The following LMLN variants were observed in gnomAD, a reference collection of about 807,000 sequenced individuals.
The protein encoded by LMLN is leishmanolysin-like peptidase.
LMLN carries 70 observed loss-of-function variants against 92.3 expected under a neutral mutation model. That is an observed-to-expected ratio of 0.76 (90% confidence interval 0.63 to 0.92). The LOEUF (loss-of-function observed/expected upper bound fraction) is 0.92. LMLN is among the 40% of genes least tolerant of loss of function. The pLI is 0.00. For missense variants in LMLN, 691 were observed against 814.6 expected, an observed-to-expected ratio of 0.85 and a Z score of 1.85; for synonymous variants, 308 against 296.2, an observed-to-expected ratio of 1.04 and a Z score of -0.41.
intron 14 of LMLN, among the ~76,000 whole-genome samples, chr3:198,035,359 TG>T (rs1723183810): frequency 2.3e-5 from 3 of 129,404 alleles, no homozygotes; most frequent in African/African-American, 7.3e-5. Flanking sequence ...AACCCTCTTT[TG>T]GTTTTTTTTT....
intron 10 of LMLN, 42 bp from the exon 11 acceptor site, chr3:197,999,224 G>A (rs1388924270): frequency 3.7e-6 from 5 of 1,364,364 alleles, no homozygotes; most frequent in Non-Finnish European, 5.2e-6. Context: ...ATTAGGAGTT[G>A]CAGAGAATCT....
intron 14 of LMLN, among the ~76,000 whole-genome samples, chr3:198,029,329 T>C (rs1386377413): frequency 2.0e-5 from 3 of 152,240 alleles, no homozygotes; most frequent in Non-Finnish European, 4.4e-5. Flanking sequence ...TTAGTTTTGA[T>C]CAAACTTTTA....
At chr3:198,022,683 T>C (rs1040025428) in intron 13 of LMLN, among the ~76,000 whole-genome samples, 3 of 152,198 alleles carry the variant, frequency 2.0e-5, no homozygotes, top group African/African-American at 7.2e-5. Flanking sequence ...GGTGAAACCC[T>C]GTCTGTATCA....
At chr3:198,026,074 C>T (rs779948678) in intron 14 of LMLN, among the ~76,000 whole-genome samples, 3 of 151,992 alleles carry the variant, frequency 2.0e-5, no homozygotes. Context: ...CCCACCTCAG[C>T]CATCTGAGAA....
At chr3:198,018,188 G>A (rs1028904877) in intron 11 of LMLN, among the ~76,000 whole-genome samples, 2 of 151,980 alleles carry the variant, frequency 1.3e-5, no homozygotes, top group Non-Finnish European at 2.9e-5. Context: ...TTTGGTTTTA[G>A]ACAAAAAACA....
At chr3:198,013,733 T>C (rs373800236) in intron 11 of LMLN, among the ~76,000 whole-genome samples, 1,527 of 11,180 alleles carry the variant, frequency 0.14, no homozygotes, top group Admixed American at 0.2. Context: ...CCCTTCAGAG[T>C]CCCCTAACTA....
At chr3:198,024,033 A>G (rs549704525) in intron 13 of LMLN, among the ~76,000 whole-genome samples, 331 of 152,298 alleles carry the variant, frequency 2.2e-3, no homozygotes, top group African/African-American at 7.5e-3. Flanking sequence ...TTAGACCACC[A>G]GTGAAGATGA....
At position 197,985,390 on chromosome 3, in the gene LMLN, TACACACACACACACACAC is replaced by T. The variant is rs142039210; in HGVS notation, c.835-386_835-369del. Among the ~76,000 whole-genome samples the T allele has an allele frequency of 9.8e-5, 14 of 142,480 alleles. No individual in the cohort carries two copies. The South Asian group carries it at 2.6e-3, about 26-fold the overall frequency. The allele number at this position is 142,480 out of a possible 152,430, so 93.5% of individuals were successfully genotyped here. On this transcript the variant is annotated intron_variant, in intron 7 of 15. Transcript: ENST00000330198. ...AGACTTTCAAAACCATTTCATAATGTACACACACACACACACACACACACACACACACACACAGAGCAA... is the reference window on the plus strand; with the variant it reads ...AGACTTTCAAAACCATTTCATAATGTACACACACACACACACACAGAGCAA...
chr3:197,972,220 C>T (rs148383642), intron 1 of LMLN, among the ~76,000 whole-genome samples: 21 of 151,822 alleles, frequency 1.4e-4, no homozygotes, highest in African/African-American at 4.6e-4. Context: ...TGCACCACCA[C>T]GCCTGGCTAA....
intron 11 of LMLN, among the ~76,000 whole-genome samples, chr3:198,014,970 G>A (rs201156338): frequency 0.097 from 11,613 of 119,874 alleles, 2 homozygotes; most frequent in East Asian, 0.24. Flanking sequence ...TAACTAGTCT[G>A]ACTTCTCTCC....
At chr3:197,999,052 T>C (rs979462813) in intron 10 of LMLN, among the ~76,000 whole-genome samples, 9 of 152,364 alleles carry the variant, frequency 5.9e-5, no homozygotes, top group African/African-American at 2.2e-4. Context: ...CCAAGGGAAT[T>C]GAACACAATG....
intron 3 of LMLN, among the ~76,000 whole-genome samples, chr3:197,975,292 T>C (rs751050758): frequency 2.6e-5 from 4 of 152,256 alleles, no homozygotes; most frequent in Non-Finnish European, 5.9e-5. Flanking sequence ...AATTTGATAA[T>C]CAGTTTTCTC....
intron 13 of LMLN, among the ~76,000 whole-genome samples, chr3:198,022,206 C>T (rs567495214): frequency 1.3e-5 from 2 of 152,228 alleles, no homozygotes; most frequent in South Asian, 4.1e-4. Context: ...TGTCTCATGG[C>T]CAGTAAGATA....
chr3:198,017,130 C>T (rs1026691384), intron 11 of LMLN, among the ~76,000 whole-genome samples: 6 of 151,528 alleles, frequency 4.0e-5, no homozygotes, highest in African/African-American at 1.5e-4. Context: ...AACAAAAAAT[C>T]GACAAGGAAA....
chr3:197,980,232 C>T, intron 5 of LMLN, 94 bp from the exon 6 acceptor site: 1 of 996,962 alleles, frequency 1.0e-6, no homozygotes, highest in Non-Finnish European at 1.5e-6. Flanking sequence ...TTAAATTGTA[C>T]TGTGTTTATA....
chr3:197,967,878 G>A (rs933833613), intron 1 of LMLN, among the ~76,000 whole-genome samples: 5 of 152,090 alleles, frequency 3.3e-5, no homozygotes, highest in Non-Finnish European at 5.9e-5. Context: ...AGAATTTAGC[G>A]ATATCTTCCC....
chr3:198,032,064 T>A (rs563140942), intron 14 of LMLN, among the ~76,000 whole-genome samples: 64 of 149,846 alleles, frequency 4.3e-4, no homozygotes, highest in African/African-American at 1.6e-3. Flanking sequence ...ATGACACTAT[T>A]GTACCACAGC....
chr3:197,965,694 G>A (rs762419053), intron 1 of LMLN, among the ~76,000 whole-genome samples: 8 of 152,128 alleles, frequency 5.3e-5, no homozygotes, highest in Non-Finnish European at 1.0e-4. Flanking sequence ...ATGGCAAATC[G>A]CTTGAGCTCA....
chr3:197,990,472 A>C (rs1439020080), intron 8 of LMLN, 87 bp from the exon 9 acceptor site: 5 of 593,418 alleles, frequency 8.4e-6, no homozygotes, highest in Non-Finnish European at 1.2e-5. Context: ...TGATATTTAT[A>C]AAGACTTTTT....
Sources: allele counts gnomAD v4.1 joint callset (sites outside exome capture counted in the v4.1 genomes callset), GRCh38; gene constraint gnomAD v4.1.1; transcripts MANE v1.5; gene names NCBI Gene and HGNC (gene_info 2026-07-23, HGNC 2026-07-21).